The following SF3B2 variants were observed in gnomAD, a reference collection of about 807,000 sequenced individuals.
SF3B2 encodes the protein SAP 145.
In SF3B2, 22 loss-of-function variants were observed where a neutral mutation model predicts 116.3. That is an observed-to-expected ratio of 0.19 (90% CI 0.14 to 0.27). SF3B2 has a LOEUF of 0.27. Ranked by LOEUF, SF3B2 falls within the 10% of genes least tolerant of loss-of-function variation. The pLI, the probability that SF3B2 is intolerant of heterozygous loss-of-function variation, is 1.00. For missense variants in SF3B2, 767 were observed against 1,151.4 expected (o/e 0.67, Z 4.83); for synonymous variants, 406 against 421.6 (o/e 0.96, Z 0.45).
At chr11:66,067,576 A>C (rs1292095919) in intron 19 of SF3B2, 1 of 462,722 alleles carries the variant, frequency 2.2e-6, no homozygotes, top group Non-Finnish European at 4.3e-6. Context: ...AACTCCAGGC[A>C]TGACATTCTT....
Position 66,068,167 on chromosome 11 carries a change from C to T in SF3B2, c.2450C>T (p.Pro817Leu), listed in dbSNP as rs781551448. The T allele has an allele frequency of 3.9e-5, 63 of 1,614,068 alleles. No homozygotes were observed. The highest frequency in any genetic ancestry group is 4.7e-5 in the Non-Finnish European group (56 of 1,180,036). ...DMSTVMSRKG[P>L]APELQGVEVA... ...TTCCAGGTTATGAGCCGGAAGGGCC[C>T]GGCTCCTGAGCTGCAAGGTGTGGAA... is the stretch of plus-strand genomic sequence containing the variant. The change falls in exon 21 of 22, where the codon CCG (proline) becomes CTG (leucine). Residue 817 changes from proline to leucine, a missense_variant. Pro to Leu is a moderately conservative substitution (Grantham distance 98, BLOSUM62 -3). Around this residue, in one of 4 missense-constraint regions of SF3B2, gnomAD observed 282 missense variants for 568.0 expected, o/e 0.50. Coordinates refer to ENST00000322535, the MANE Select transcript of SF3B2 (RefSeq NM_006842.3).
At chr11:66,053,773 G>T in intron 3 of SF3B2, 1 of 153,738 alleles carries the variant, frequency 6.5e-6, no homozygotes, top group South Asian at 1.8e-4. Flanking sequence ...CTTAGGCAGT[G>T]GGTTGATAGG....
chr11:66,061,885 C>T lies in SF3B2; in HGVS notation c.1870-6C>T. 3 of 1,611,422 alleles carry T rather than the reference C, an allele frequency of 1.9e-6. No homozygotes were observed. The highest frequency in any genetic ancestry group is 2.5e-6 in the Non-Finnish European group (3 of 1,177,918). ...CAGATGGTATCCTGTTCTCTTTTTCCTGCAGAATGCCCACAAGGTCCCTCC... is the reference window on the plus strand; with the variant it reads ...CAGATGGTATCCTGTTCTCTTTTTCTTGCAGAATGCCCACAAGGTCCCTCC... On this transcript the variant is annotated splice_polypyrimidine_tract_variant and splice_region_variant and intron_variant, in intron 15 of 21. Transcript: ENST00000322535.
Position 66,068,625 on chromosome 11 carries a change from C to T in SF3B2, c.2617-49C>T, listed in dbSNP as rs376457231. 4.4e-5 allele frequency: 68 copies of T among 1,549,708 alleles called. No individual in the cohort carries two copies. The African/African-American group carries it at 4.9e-4, about 11-fold the overall frequency. The stretch of plus-strand genomic sequence containing the variant: ...GCTGCCCACCCTTGTTTTGGGGGTC[C>T]GGGGGTGGTTCAACCTGTCTTAACC... On this transcript the variant is annotated intron_variant, in intron 21 of 21. Transcript: ENST00000322535.
At chr11:66,053,201 G>A in intron 3 of SF3B2, 97 bp downstream of exon 3, 1 of 1,161,756 alleles carries the variant, frequency 8.6e-7, no homozygotes, top group Non-Finnish European at 1.3e-6. Flanking sequence ...TGTGAGATGT[G>A]ACACCCTTGC....
At chr11:66,058,286 A>C in intron 8 of SF3B2, 28 bp from the exon 9 acceptor site, 1 of 1,603,780 alleles carries the variant, frequency 6.2e-7, no homozygotes, top group South Asian at 1.1e-5. Context: ...GGCACCGTGA[A>C]GACTCATCAC....
At chr11:66,053,181 C>T in intron 3 of SF3B2, 77 bp downstream of exon 3, 3 of 1,353,366 alleles carry the variant, frequency 2.2e-6, no homozygotes, top group Non-Finnish European at 2.1e-6. Flanking sequence ...ATTGGGTGTT[C>T]ACGTGCATGT....
chr11:66,053,197 A>C, intron 3 of SF3B2, 93 bp downstream of exon 3: 1 of 1,190,444 alleles, frequency 8.4e-7, no homozygotes, highest in Non-Finnish European at 1.3e-6. Context: ...CATGTGTGAG[A>C]TGTGACACCC....
At chr11:66,055,416 G>A (rs1565087028) in intron 4 of SF3B2, 101 bp downstream of exon 4, 1 of 1,592,338 alleles carries the variant, frequency 6.3e-7, no homozygotes, top group Non-Finnish European at 8.6e-7. Context: ...TTCTGGGAAG[G>A]TCGGGACTAA....
In SF3B2 at chr11:66,063,631, C is replaced by A. The variant is rs1236571557; in HGVS notation, c.2232C>A (p.Gly744=). 3 of 1,612,294 alleles carry A rather than the reference C, an allele frequency of 1.9e-6. No individual in the cohort carries two copies. Among genetic ancestry groups the A allele is most frequent in the African/African-American group, 1.3e-5 (1 of 74,854 alleles). ...GAGCTTGTTCCTCTCTTTACAGTGG[C>A]CTTATCACTCCTGGAGGCTTTTCAT... ...ETGFITPADS[G]LITPGGFSSV... Residue 744 remains glycine, a synonymous_variant, in exon 19 of 22, where the codon GGC becomes GGA. Coordinates refer to ENST00000322535, the MANE Select transcript of SF3B2 (RefSeq NM_006842.3).
chr11:66,057,357 TG>T lies in SF3B2; in HGVS notation c.761del (p.Gly254GlufsTer26). On this transcript the variant is annotated frameshift_variant, in exon 7 of 22. Transcript: ENST00000322535. LOFTEE classifies it high-confidence loss of function. ...GGCCTCGTGGTCCCCCACCGCCCCC[TG>T]GAGATGAGAACAGAGAGGTGAGACT... ...PRPRGPPPPP[G>X]DENREMDDPS... The T allele has an allele frequency of 7.1e-7, 1 of 1,407,378 alleles. No homozygotes were observed. The highest frequency in any genetic ancestry group is 1.0e-6 in the Non-Finnish European group (1 of 991,314). The allele number at this position is 1,407,378 out of a possible 1,614,324, so 87.2% of individuals were successfully genotyped here.
intron 3 of SF3B2, 159 bp downstream of exon 3, chr11:66,053,263 G>T (rs1856923416): frequency 8.4e-6 from 6 of 716,348 alleles, no homozygotes; most frequent in Non-Finnish European, 1.5e-5. Flanking sequence ...ATATGTTCAG[G>T]GTAGCCCTTC....
chr11:66,060,653 C>T lies in SF3B2; in HGVS notation c.1701C>T (p.Asp567=). The T allele has an allele frequency of 6.2e-7, 1 of 1,614,196 alleles. No homozygotes were observed. Among genetic ancestry groups the T allele is most frequent in the East Asian group, 2.2e-5 (1 of 44,878 alleles). Residue 567 remains aspartate, a synonymous_variant, in exon 14 of 22, where the codon GAC becomes GAT. Coordinates refer to ENST00000322535, the MANE Select transcript of SF3B2 (RefSeq NM_006842.3). ...VRPKMGKIDI[D]YQKLHDAFFK... ...CTAAGATGGGCAAAATTGACATCGA[C>T]TACCAGAAACTGCATGATGCCTTCT...
At chr11:66,064,416 T>C (rs1027719888) in intron 19 of SF3B2, among the ~76,000 whole-genome samples, 13 of 152,356 alleles carry the variant, frequency 8.5e-5, no homozygotes, top group African/African-American at 2.4e-4. Flanking sequence ...CAGATAGTAT[T>C]AAGAGCCATT....
Position 66,052,378 on chromosome 11 carries a change from G to A in SF3B2, c.-7G>A. 6 of 1,608,716 alleles carry A rather than the reference G, an allele frequency of 3.7e-6. No homozygotes were observed. The highest frequency in any genetic ancestry group is 5.1e-6 in the Non-Finnish European group (6 of 1,178,150). ...CCGGGTTGGTCGCGCGCCTTCCTGC[G>A]GCTAAGATGGCGACGGAGCATCCCG... On this transcript the variant is annotated 5_prime_UTR_variant, in exon 1 of 22. Transcript: ENST00000322535.
chr11:66,067,802 G>GGCAGAACTGCAGAGGCTGCAT (rs1374095908), intron 19 of SF3B2, 144 bp from the exon 20 acceptor site: 23 of 672,536 alleles, frequency 3.4e-5, no homozygotes, highest in African/African-American at 5.4e-5. Context: ...TTCTGTCATG[G>GGCAGAACTGCAGAGGCTGCAT]GCAGAACTGC....
Position 66,055,531 on chromosome 11 carries a change from T to C in SF3B2, c.499-4T>C, listed in dbSNP as rs550547793. 6.2e-7 allele frequency: 1 copy of C among 1,614,192 alleles called. No individual in the cohort carries two copies. The highest frequency in any genetic ancestry group is 1.3e-5 in the African/African-American group (1 of 75,040). On this transcript the variant is annotated splice_region_variant and splice_polypyrimidine_tract_variant and intron_variant, in intron 4 of 21. Coordinates refer to ENST00000322535, the MANE Select transcript of SF3B2 (RefSeq NM_006842.3). Reference sequence around the variant, plus strand: ...GCTGGTATGAACTTGTTTTCTTTTTTAAGCAGGGAGATCATTCGCTGAAGG... The same window carrying C: ...GCTGGTATGAACTTGTTTTCTTTTTCAAGCAGGGAGATCATTCGCTGAAGG...
At chr11:66,061,456 TGAG>T (rs1206311560) in intron 14 of SF3B2, among the ~76,000 whole-genome samples, 5 of 152,214 alleles carry the variant, frequency 3.3e-5, no homozygotes, top group African/African-American at 1.2e-4. Context: ...ATTTTACAGA[TGAG>T]GAGGCAGGTC....
At chr11:66,067,828 G>C (rs1026259878) in intron 19 of SF3B2, 118 bp from the exon 20 acceptor site, 2 of 751,994 alleles carry the variant, frequency 2.7e-6, no homozygotes, top group Non-Finnish European at 4.5e-6. Context: ...CTGCATCCTT[G>C]GGGAGCTCAG....
Sources: gnomAD v4.1 joint callset for allele counts (sites outside exome capture counted in the v4.1 genomes callset) on GRCh38, gnomAD v4.1.1 for gene constraint, gnomAD v4.1.1 regional missense constraint, MANE v1.5 for transcripts, NCBI Gene and HGNC (gene_info 2026-07-23, HGNC 2026-07-21) for gene names.